PKP2: variants seen among roughly 807,000 people sequenced by gnomAD.
PKP2 encodes plakophilin-2.
A neutral mutation model predicts 83.4 loss-of-function variants in PKP2; 73 were observed. That is an observed-to-expected ratio of 0.88 (90% CI 0.72 to 1.06). The LOEUF (loss-of-function observed/expected upper bound fraction) is 1.06. PKP2 is among the 50% of genes least tolerant of loss of function. The pLI, the probability that PKP2 is intolerant of heterozygous loss-of-function variation, is 0.00. For synonymous variants in PKP2, 409 were observed against 430.4 expected (o/e 0.95, Z 0.62); for missense variants, 966 against 1,065.4 (o/e 0.91, Z 1.30).
chr12:32,797,983 C>A (rs1191847589), intron 10 of PKP2, among the ~76,000 whole-genome samples: 2 of 151,884 alleles, frequency 1.3e-5, no homozygotes. Flanking sequence ...ATAATGAGAC[C>A]CCGTCTCTAT....
intron 5 of PKP2, 31 bp downstream of exon 5, chr12:32,850,735 G>T: frequency 6.4e-7 from 1 of 1,557,314 alleles, no homozygotes; most frequent in Non-Finnish European, 8.8e-7. Context: ...GTGCAAATGT[G>T]TTAGGTTCTT....
chr12:32,839,160 G>A (rs1243940869), intron 6 of PKP2, among the ~76,000 whole-genome samples: 1 of 152,092 alleles, frequency 6.6e-6, no homozygotes, highest in Non-Finnish European at 1.5e-5. Flanking sequence ...GATGGACCAA[G>A]ATGTCTTCCA....
At chr12:32,817,504 T>C (rs184153467) in intron 9 of PKP2, among the ~76,000 whole-genome samples, 26 of 152,360 alleles carry the variant, frequency 1.7e-4, no homozygotes, top group African/African-American at 6.3e-4. Context: ...ATTTTCTGGA[T>C]ACCCACGTTT....
intron 4 of PKP2, among the ~76,000 whole-genome samples, chr12:32,865,532 A>C (rs142895995): frequency 6.6e-6 from 1 of 151,910 alleles, no homozygotes; most frequent in African/African-American, 2.4e-5. Context: ...AAAAAAATAC[A>C]AAAATTAGCC....
intron 7 of PKP2, 139 bp from the exon 8 acceptor site, chr12:32,822,770 A>C: frequency 1.2e-6 from 1 of 826,484 alleles, no homozygotes; most frequent in South Asian, 1.4e-5. Flanking sequence ...TGCCTGGGGG[A>C]AATGCAATGA....
intron 6 of PKP2, among the ~76,000 whole-genome samples, chr12:32,840,375 T>C (rs1347240631): frequency 6.6e-6 from 1 of 152,188 alleles, no homozygotes. Context: ...CATGGCTCAC[T>C]GGAACCTCAA....
At chr12:32,853,602 G>C (rs898214241) in intron 4 of PKP2, among the ~76,000 whole-genome samples, 1 of 151,796 alleles carries the variant, frequency 6.6e-6, no homozygotes, top group Admixed American at 6.6e-5. Context: ...CGCCCCCTGG[G>C]TTCAAGCAAT....
At chr12:32,855,791 A>G (rs1031364143) in intron 4 of PKP2, among the ~76,000 whole-genome samples, 2 of 151,074 alleles carry the variant, frequency 1.3e-5, no homozygotes, top group South Asian at 4.2e-4. Flanking sequence ...AAAAAAAAAA[A>G]AAAAGGAAGA....
At position 32,878,298 on chromosome 12, in the gene PKP2, A is replaced by G. The variant is rs532048791; in HGVS notation, c.582T>C (p.Tyr194=). Residue 194 remains tyrosine (Y), a synonymous_variant, in exon 3 of 13, where the codon TAT becomes TAC. Transcript: ENST00000340811. ...RRAALLVPPR[Y]ARSEIVGVSR... is the part of the protein sequence containing the mutation. The stretch of plus-strand genomic sequence containing the variant: ...TGACCCCCACGATCTCGGAACGAGC[A>G]TATCTCGGTGGCACTAGGAGGGCGG... 9 of 1,613,046 alleles carry G rather than the reference A, an allele frequency of 5.6e-6. No individual in the cohort carries two copies. Among genetic ancestry groups the G allele is most frequent in the South Asian group, 1.1e-5 (1 of 91,068 alleles).
chr12:32,822,185 T>C (rs1182990984), intron 8 of PKP2, among the ~76,000 whole-genome samples: 1 of 152,202 alleles, frequency 6.6e-6, no homozygotes, highest in Non-Finnish European at 1.5e-5. Flanking sequence ...GTACGGTTCA[T>C]GGGTAGCAAT....
intron 9 of PKP2, among the ~76,000 whole-genome samples, chr12:32,816,826 T>C (rs994401682): frequency 4.6e-5 from 7 of 152,348 alleles, no homozygotes; most frequent in Admixed American, 4.6e-4. Context: ...GATTTGATAA[T>C]TAATGATGAT....
intron 4 of PKP2, among the ~76,000 whole-genome samples, chr12:32,858,094 T>A (rs367913885): frequency 0.016 from 1,248 of 79,204 alleles, 20 homozygotes; most frequent in Middle Eastern, 0.029. Context: ...AATATATATA[T>A]ATATATATAT....
At chr12:32,797,643 C>A (rs1213610113) in intron 10 of PKP2, among the ~76,000 whole-genome samples, 1 of 150,906 alleles carries the variant, frequency 6.6e-6, no homozygotes, top group Non-Finnish European at 1.5e-5. Context: ...GCAAGCTCCG[C>A]CTCCCGGGTT....
intron 9 of PKP2, among the ~76,000 whole-genome samples, chr12:32,812,122 T>C (rs2137749671): frequency 6.6e-6 from 1 of 151,384 alleles, no homozygotes; most frequent in African/African-American, 2.4e-5. Context: ...GTTTTTTTTT[T>C]TTTTTTTTTC....
Position 32,808,067 on chromosome 12 carries a change from C to T in PKP2, c.2014-5511G>A, listed in dbSNP as rs1956242982. 1.3e-5 allele frequency among the ~76,000 whole-genome samples: 2 copies of T among 152,108 alleles called. 1 individual carries two copies. Among genetic ancestry groups the T allele is most frequent in the African/African-American group, 4.8e-5 (2 of 41,406 alleles). ...TCCATTTCCTGAATTTGAATGTTGG[C>T]CTGTCTTGATAGGTTGGGGTAATTC... On this transcript the variant is annotated intron_variant, in intron 9 of 12. Coordinates refer to ENST00000340811, the MANE Select transcript of PKP2 (RefSeq NM_001005242.3).
chr12:32,837,292 G>A (rs992864818), intron 6 of PKP2, among the ~76,000 whole-genome samples: 7 of 152,194 alleles, frequency 4.6e-5, no homozygotes, highest in African/African-American at 1.2e-4. Flanking sequence ...ACAAGCTTCC[G>A]GCATTTGAGT....
chr12:32,893,445 G>T (rs895533170), intron 1 of PKP2: 1 of 152,288 alleles, frequency 6.6e-6, no homozygotes, highest in Non-Finnish European at 1.5e-5. Flanking sequence ...CCTTTTCAAA[G>T]AAGTTTAATT....
At chr12:32,884,685 A>C (rs914216570) in intron 1 of PKP2, among the ~76,000 whole-genome samples, 3 of 152,196 alleles carry the variant, frequency 2.0e-5, no homozygotes, top group Admixed American at 2.0e-4. Context: ...ATAGAATTTG[A>C]GTCATAAAAA....
chr12:32,823,077 TACTCAG>T (rs1956398311), intron 7 of PKP2, among the ~76,000 whole-genome samples: 1 of 152,192 alleles, frequency 6.6e-6, no homozygotes, highest in Non-Finnish European at 1.5e-5. Context: ...AGCACACAAT[TACTCAG>T]ATTTCCATCT....
Sources: gnomAD v4.1 joint callset for allele counts (sites outside exome capture counted in the v4.1 genomes callset) on GRCh38, gnomAD v4.1.1 for gene constraint, MANE v1.5 for transcripts, NCBI Gene and HGNC (gene_info 2026-07-23, HGNC 2026-07-21) for gene names.